Variants in ZFPM2 observed in about 807,000 individuals in gnomAD.
ZFPM2 encodes the protein zinc finger protein, FOG family member 2.
In ZFPM2, 20 loss-of-function variants were observed where a neutral mutation model predicts 98.6. The observed-to-expected ratio is 0.20, with a 90% CI of 0.14 to 0.29. The LOEUF is 0.29. Ranked by LOEUF, ZFPM2 falls within the 10% of genes least tolerant of loss-of-function variation. The probability of loss-of-function intolerance (pLI) is 1.00; values close to 1 mark genes in which losing one functional copy is unlikely to be tolerated. For missense variants in ZFPM2, 1,310 were observed against 1,388.6 expected, an observed-to-expected ratio of 0.94 and a Z score of 0.90; for synonymous variants, 518 against 502.7, an observed-to-expected ratio of 1.03 and a Z score of -0.41.
intron 1 of ZFPM2, among the ~76,000 whole-genome samples, chr8:105,412,601 C>T (rs1811598864): frequency 6.6e-6 from 1 of 151,612 alleles, no homozygotes; most frequent in South Asian, 2.1e-4. Context: ...AAAATGTTTC[C>T]TTCCTACTAG....
chr8:105,532,190 C>T (rs1363987726), intron 3 of ZFPM2, among the ~76,000 whole-genome samples: 2 of 152,114 alleles, frequency 1.3e-5, no homozygotes, highest in South Asian at 2.1e-4. Context: ...GTGTGAGCTA[C>T]CAAGCCCGGC....
At chr8:105,699,651 T>C (rs1811096873) in intron 5 of ZFPM2, among the ~76,000 whole-genome samples, 1 of 152,160 alleles carries the variant, frequency 6.6e-6, no homozygotes, top group African/African-American at 2.4e-5. Flanking sequence ...CACTGAAAAT[T>C]AACTTTGAAT....
intron 1 of ZFPM2, among the ~76,000 whole-genome samples, chr8:105,360,202 C>T (rs1812830136): frequency 2.0e-5 from 3 of 152,148 alleles, no homozygotes; most frequent in African/African-American, 7.2e-5. Context: ...ATTATCACTT[C>T]CACATATTTA....
At chr8:105,478,514 TG>T (rs1241229614) in intron 3 of ZFPM2, among the ~76,000 whole-genome samples, 1 of 152,340 alleles carries the variant, frequency 6.6e-6, no homozygotes, top group African/African-American at 2.4e-5. Flanking sequence ...CATCTCCTAA[TG>T]GTCCTGATTC....
chr8:105,535,502 G>C (rs1301590862), intron 3 of ZFPM2, among the ~76,000 whole-genome samples: 1 of 152,116 alleles, frequency 6.6e-6, no homozygotes, highest in African/African-American at 2.4e-5. Context: ...CATATAAATT[G>C]AGTATTTTGT....
At chr8:105,665,122 G>A (rs1417205755) in intron 5 of ZFPM2, among the ~76,000 whole-genome samples, 5 of 152,048 alleles carry the variant, frequency 3.3e-5, no homozygotes, top group Non-Finnish European at 7.4e-5. Flanking sequence ...GTGGTGGAAG[G>A]TACCATATGG....
chr8:105,441,455 A>AGAGAGAGG (rs1554604944), intron 2 of ZFPM2, among the ~76,000 whole-genome samples: 1 of 56,532 alleles, frequency 1.8e-5, no homozygotes, highest in African/African-American at 9.9e-5. Context: ...AGAGAGAGAG[A>AGAGAGAGG]AAGAAAGAAA....
chr8:105,784,728 C>A (rs1302081812), intron 5 of ZFPM2: 1 of 137,804 alleles, frequency 7.3e-6, no homozygotes. Context: ...GCTTAGGTGA[C>A]AAGTTCTAAG....
chr8:105,766,666 A>G (rs777710451), intron 5 of ZFPM2, among the ~76,000 whole-genome samples: 7 of 151,942 alleles, frequency 4.6e-5, no homozygotes, highest in South Asian at 2.1e-4. Flanking sequence ...ATTGGCTATG[A>G]AGAGTGAAGA....
At chr8:105,776,065 T>TAATA (rs1317251865) in intron 5 of ZFPM2, among the ~76,000 whole-genome samples, 4 of 151,512 alleles carry the variant, frequency 2.6e-5, no homozygotes, top group African/African-American at 9.7e-5. Context: ...GAAATTATCT[T>TAATA]AATAGGAGAC....
chr8:105,599,349 A>G (rs1307487070), intron 4 of ZFPM2, among the ~76,000 whole-genome samples: 2 of 148,166 alleles, frequency 1.3e-5, no homozygotes, highest in African/African-American at 5.0e-5. Context: ...AAAACCTCCC[A>G]TCTGCTTGTC....
chr8:105,771,196 T>C (rs781612369), intron 5 of ZFPM2, among the ~76,000 whole-genome samples: 2 of 152,256 alleles, frequency 1.3e-5, no homozygotes, highest in Admixed American at 6.5e-5. Context: ...CAACTTGTTA[T>C]GCTGTATTTG....
intron 3 of ZFPM2, among the ~76,000 whole-genome samples, chr8:105,479,608 G>A (rs1413462848): frequency 6.6e-6 from 1 of 152,166 alleles, no homozygotes; most frequent in Non-Finnish European, 1.5e-5. Flanking sequence ...CAATGATTAG[G>A]AGTCAGCCAT....
At chr8:105,498,109 G>C (rs1381272160) in intron 3 of ZFPM2, among the ~76,000 whole-genome samples, 1 of 151,608 alleles carries the variant, frequency 6.6e-6, no homozygotes, top group Non-Finnish European at 1.5e-5. Context: ...GAGGTGGGAG[G>C]ATCACTTGAG....
chr8:105,432,374 G>A (rs1043483231), intron 2 of ZFPM2, among the ~76,000 whole-genome samples: 1 of 152,172 alleles, frequency 6.6e-6, no homozygotes, highest in African/African-American at 2.4e-5. Flanking sequence ...AGGGCATTCA[G>A]ATATGGAACG....
intron 1 of ZFPM2, among the ~76,000 whole-genome samples, chr8:105,395,668 A>T (rs1250694618): frequency 6.6e-6 from 1 of 152,236 alleles, no homozygotes; most frequent in Non-Finnish European, 1.5e-5. Flanking sequence ...TATTTCAAAC[A>T]TAATAAATTG....
chr8:105,759,580 T>TTGTGTGTGTGTGTGTGTG (rs5893760), intron 5 of ZFPM2, among the ~76,000 whole-genome samples: 5 of 146,890 alleles, frequency 3.4e-5, no homozygotes, highest in African/African-American at 1.2e-4. Context: ...TTGATAATCC[T>TTGTGTGTGTGTGTGTGTG]TGTGTGTGTG....
chr8:105,632,867 A>G (rs192720938), intron 4 of ZFPM2, among the ~76,000 whole-genome samples: 21 of 152,292 alleles, frequency 1.4e-4, no homozygotes, highest in African/African-American at 4.1e-4. Flanking sequence ...TGATTTAGTT[A>G]TAGTTTATAC....
intron 6 of ZFPM2, among the ~76,000 whole-genome samples, chr8:105,793,666 T>C (rs1042144242): frequency 6.6e-6 from 1 of 152,202 alleles, no homozygotes; most frequent in Non-Finnish European, 1.5e-5. Context: ...TCCTGGATAA[T>C]ATCCTGCAGA....
Sources: allele counts gnomAD v4.1 joint callset (sites outside exome capture counted in the v4.1 genomes callset), GRCh38; gene constraint gnomAD v4.1.1; transcripts MANE v1.5; gene names NCBI Gene and HGNC (gene_info 2026-07-23, HGNC 2026-07-21).